The following SMYD3 variants were observed in gnomAD, a reference collection of about 807,000 sequenced individuals.
The protein encoded by SMYD3 is histone-lysine N-methyltransferase SMYD3.
Under a neutral mutation model 57.7 loss-of-function variants are expected in SMYD3, and 36 were observed. The observed-to-expected ratio is 0.62, with a 90% CI of 0.48 to 0.82. The LOEUF is 0.82. Ranked by LOEUF, SMYD3 falls within the 40% of genes least tolerant of loss-of-function variation. The pLI is 0.00. For synonymous variants in SMYD3, 211 were observed against 195.0 expected (o/e 1.08, Z -0.68); for missense variants, 515 against 538.8 (o/e 0.96, Z 0.44).
At chr1:246,100,744 G>A (rs931294558) in intron 5 of SMYD3, among the ~76,000 whole-genome samples, 3 of 152,038 alleles carry the variant, frequency 2.0e-5, no homozygotes, top group Non-Finnish European at 2.9e-5. Flanking sequence ...AAATGAATGC[G>A]ACTCTCCAGA....
chr1:246,046,851 T>C (rs2059975708), intron 5 of SMYD3, among the ~76,000 whole-genome samples: 1 of 151,570 alleles, frequency 6.6e-6, no homozygotes, highest in South Asian at 2.1e-4. Context: ...ATTAGTTTTC[T>C]CTGTACCAGA....
intron 5 of SMYD3, among the ~76,000 whole-genome samples, chr1:246,132,239 T>C (rs2061599796): frequency 6.6e-6 from 1 of 152,126 alleles, no homozygotes; most frequent in South Asian, 2.1e-4. Context: ...AAGACGGGCC[T>C]AAACAAACAA....
At chr1:246,101,883 T>G (rs2061022374) in intron 5 of SMYD3, among the ~76,000 whole-genome samples, 1 of 152,254 alleles carries the variant, frequency 6.6e-6, no homozygotes. Flanking sequence ...TTATGTTTGT[T>G]GGTAAATTTA....
At position 246,308,963 on chromosome 1, in the gene SMYD3, G is replaced by A. The variant is rs79215862; in HGVS notation, c.531+18238C>T. Among the ~76,000 whole-genome samples the A allele has an allele frequency of 3.1e-3, 470 of 152,132 alleles. 16 individuals carry two copies. Among genetic ancestry groups the A allele is most frequent in the East Asian group, 0.018 (94 of 5,178 alleles). ...ATTACTTATGTGCCTAAGATAGTAA[G>A]ATTTTATTATCCATCTAAAAAATGA... On this transcript the variant is annotated intron_variant, in intron 5 of 11. Transcript: ENST00000490107.
chr1:246,387,777 T>A (rs1272727518), intron 1 of SMYD3, among the ~76,000 whole-genome samples: 1 of 152,160 alleles, frequency 6.6e-6, no homozygotes, highest in Non-Finnish European at 1.5e-5. Flanking sequence ...TTGGAAAAAA[T>A]TATATTAAAA....
chr1:246,485,953 G>A (rs1244814062), intron 1 of SMYD3, among the ~76,000 whole-genome samples: 2 of 152,176 alleles, frequency 1.3e-5, no homozygotes, highest in Non-Finnish European at 2.9e-5. Context: ...GACTAAATGA[G>A]ATAATGCACA....
chr1:246,443,986 G>A (rs1489050922), intron 1 of SMYD3, among the ~76,000 whole-genome samples: 2 of 152,082 alleles, frequency 1.3e-5, no homozygotes, highest in African/African-American at 2.4e-5. Flanking sequence ...ACCACAGACA[G>A]ACAACAATCA....
intron 8 of SMYD3, among the ~76,000 whole-genome samples, chr1:245,887,767 G>A (rs1355838664): frequency 6.6e-6 from 1 of 152,140 alleles, no homozygotes; most frequent in East Asian, 1.9e-4. Flanking sequence ...TAGAATGGAA[G>A]CCACCTACAG....
chr1:246,195,378 T>G (rs1349041689), intron 5 of SMYD3, among the ~76,000 whole-genome samples: 1 of 152,140 alleles, frequency 6.6e-6, no homozygotes, highest in African/African-American at 2.4e-5. Context: ...CTTTAAAGTC[T>G]CACAGGACTC....
At chr1:246,041,008 G>A (rs748462806) in intron 5 of SMYD3, among the ~76,000 whole-genome samples, 27 of 152,214 alleles carry the variant, frequency 1.8e-4, no homozygotes, top group Non-Finnish European at 3.1e-4. Flanking sequence ...CACATACAAT[G>A]GTGGTCCCAT....
chr1:245,791,462 C>T (rs988979859), intron 10 of SMYD3, among the ~76,000 whole-genome samples: 2 of 152,186 alleles, frequency 1.3e-5, no homozygotes, highest in Non-Finnish European at 2.9e-5. Flanking sequence ...GACACTGTGT[C>T]TCTGCTAGTA....
chr1:246,450,435 T>G (rs1216585478), intron 1 of SMYD3, among the ~76,000 whole-genome samples: 1 of 152,214 alleles, frequency 6.6e-6, no homozygotes, highest in East Asian at 1.9e-4. Context: ...TCTCTCAACC[T>G]GCTTCTTTTG....
chr1:246,054,873 T>TAAAAAAAAAAA (rs749022916), intron 5 of SMYD3, among the ~76,000 whole-genome samples: 26 of 79,120 alleles, frequency 3.3e-4, no homozygotes, highest in African/African-American at 6.6e-4. Flanking sequence ...AGGATGACTA[T>TAAAAAAAAAAA]AAAAAAAAAA....
chr1:246,416,821 A>G (rs751228137), intron 1 of SMYD3, among the ~76,000 whole-genome samples: 2 of 152,086 alleles, frequency 1.3e-5, no homozygotes, highest in Admixed American at 6.6e-5. Flanking sequence ...CAACTCCCAA[A>G]GCACAGAGAG....
At chr1:245,823,635 ACTCT>A (rs1373356161) in intron 10 of SMYD3, among the ~76,000 whole-genome samples, 1 of 151,784 alleles carries the variant, frequency 6.6e-6, no homozygotes, top group African/African-American at 2.4e-5. Context: ...CACCTTGTTG[ACTCT>A]CTCTCATCTG....
chr1:246,189,118 C>T (rs975545008), intron 5 of SMYD3: 3 of 152,180 alleles, frequency 2.0e-5, no homozygotes, highest in South Asian at 2.1e-4. Flanking sequence ...TGCTGAAGCA[C>T]GAACTAGCCA....
intron 5 of SMYD3, among the ~76,000 whole-genome samples, chr1:246,281,959 A>G (rs1165394811): frequency 6.6e-6 from 1 of 152,208 alleles, no homozygotes; most frequent in Non-Finnish European, 1.5e-5. Context: ...AACCTATTAA[A>G]GAGGAAAAAA....
At chr1:246,401,988 C>A (rs549313468) in intron 1 of SMYD3, among the ~76,000 whole-genome samples, 1 of 152,368 alleles carries the variant, frequency 6.6e-6, no homozygotes, top group South Asian at 2.1e-4. Context: ...TCCCAAAGTG[C>A]TGGGATTACA....
chr1:246,359,311 T>C (rs182055193), intron 1 of SMYD3, among the ~76,000 whole-genome samples: 37 of 152,116 alleles, frequency 2.4e-4, no homozygotes, highest in African/African-American at 8.2e-4. Context: ...AAGACTGAAA[T>C]AGTAATTCTT....
Sources: gnomAD v4.1 joint callset for allele counts (sites outside exome capture counted in the v4.1 genomes callset) on GRCh38, gnomAD v4.1.1 for gene constraint, MANE v1.5 for transcripts, NCBI Gene and HGNC (gene_info 2026-07-23, HGNC 2026-07-21) for gene names.